The following COL21A1 variants were observed in gnomAD, a reference collection of about 807,000 sequenced individuals.
The protein encoded by COL21A1 is collagen alpha-1(XXI) chain.
A neutral mutation model predicts 137.9 loss-of-function variants in COL21A1; 149 were observed. That is an observed-to-expected ratio of 1.08 (90% CI 0.95 to 1.24). COL21A1 has a LOEUF of 1.24. COL21A1 is among the 50% of genes most tolerant of loss of function. The pLI is 0.00. For missense variants in COL21A1, 1,167 were observed against 1,158.4 expected (o/e 1.01, Z -0.11); for synonymous variants, 456 against 391.5 (o/e 1.16, Z -1.95).
intron 9 of COL21A1, among the ~76,000 whole-genome samples, chr6:56,158,683 G>A (rs969977613): frequency 1.3e-5 from 2 of 151,942 alleles, no homozygotes; most frequent in African/African-American, 2.4e-5. Flanking sequence ...TCAGACTCCT[G>A]GCTAGGGAAA....
chr6:56,273,483 C>T (rs374278728), intron 1 of COL21A1, among the ~76,000 whole-genome samples: 3 of 152,134 alleles, frequency 2.0e-5, no homozygotes, highest in Non-Finnish European at 4.4e-5. Flanking sequence ...CTGCTAGCTA[C>T]ATCAACAAAG....
rs868730924 is a variant in COL21A1, at chr6:56,057,323, A to T, written c.*334T>A. Reference sequence around the variant, plus strand: ...GAAATTAAACTCAAATCTCTACTGCATGGAGGCTGAATGTGAAATATTTCA... The same window carrying T: ...GAAATTAAACTCAAATCTCTACTGCTTGGAGGCTGAATGTGAAATATTTCA... On this transcript the variant is annotated 3_prime_UTR_variant, in exon 30 of 30. Transcript: ENST00000244728. 1 of 309,568 alleles carries T rather than the reference A, an allele frequency of 3.2e-6. No individual in the cohort carries two copies. Among genetic ancestry groups the T allele is most frequent in the African/African-American group, 2.3e-5 (1 of 43,234 alleles). 19.2% of individuals were successfully genotyped at this position (309,568 alleles called of 1,614,324 possible).
chr6:56,392,649 A>AT (rs1376100875), intron 1 of COL21A1, among the ~76,000 whole-genome samples: 1 of 152,186 alleles, frequency 6.6e-6, no homozygotes, highest in East Asian at 1.9e-4. Flanking sequence ...AATTCAGTAA[A>AT]TTTGCAGGAT....
chr6:56,169,867 A>T (rs553710552), intron 5 of COL21A1, among the ~76,000 whole-genome samples: 1 of 152,016 alleles, frequency 6.6e-6, no homozygotes, highest in South Asian at 2.1e-4. Context: ...GTCATTTCTT[A>T]CAGAATCTGG....
At chr6:56,180,674 G>A (rs192174077) in intron 2 of COL21A1, among the ~76,000 whole-genome samples, 2 of 152,250 alleles carry the variant, frequency 1.3e-5, no homozygotes, top group East Asian at 3.9e-4. Flanking sequence ...CAAGTTATAA[G>A]CAGTTGTGGA....
intron 22 of COL21A1, chr6:56,068,744 G>T: frequency 5.2e-6 from 1 of 191,596 alleles, no homozygotes. Context: ...AAAATTCTTA[G>T]CTCCCCTGGT....
chr6:56,373,101 T>A (rs529559148), intron 1 of COL21A1, among the ~76,000 whole-genome samples: 124 of 152,246 alleles, frequency 8.1e-4, no homozygotes, highest in African/African-American at 2.9e-3. Context: ...TAATGTGATG[T>A]CCAGCATCCC....
At chr6:56,356,827 T>G (rs1358971299) in intron 1 of COL21A1, among the ~76,000 whole-genome samples, 1 of 152,178 alleles carries the variant, frequency 6.6e-6, no homozygotes, top group African/African-American at 2.4e-5. Flanking sequence ...TCCACAATAC[T>G]GAAGCAATCA....
intron 1 of COL21A1, among the ~76,000 whole-genome samples, chr6:56,307,990 A>T (rs1422770920): frequency 6.6e-6 from 1 of 152,246 alleles, no homozygotes; most frequent in Admixed American, 6.5e-5. Flanking sequence ...ATACAATGAG[A>T]TGCTGTTAAT....
At chr6:56,150,393 T>C (rs914784699) in intron 10 of COL21A1, among the ~76,000 whole-genome samples, 27 of 151,958 alleles carry the variant, frequency 1.8e-4, no homozygotes, top group African/African-American at 4.3e-4. Context: ...TGGCGGGCGC[T>C]TGTAGTCCCA....
At chr6:56,113,751 G>A (rs1771651462) in intron 16 of COL21A1, among the ~76,000 whole-genome samples, 2 of 152,148 alleles carry the variant, frequency 1.3e-5, no homozygotes, top group Admixed American at 6.5e-5. Flanking sequence ...AGAGCACCAA[G>A]CAGAGTCTTG....
intron 17 of COL21A1, among the ~76,000 whole-genome samples, chr6:56,082,708 A>T (rs1767895655): frequency 6.6e-6 from 1 of 151,828 alleles, no homozygotes; most frequent in Non-Finnish European, 1.5e-5. Flanking sequence ...AAAATATTTT[A>T]AAGCACCATT....
chr6:56,276,799 T>C (rs1261129668), intron 1 of COL21A1: 2 of 827,204 alleles, frequency 2.4e-6, no homozygotes, highest in African/African-American at 2.2e-5. Flanking sequence ...GTGAGTTGTG[T>C]TTTTTTTGTT....
intron 1 of COL21A1, among the ~76,000 whole-genome samples, chr6:56,323,453 A>T (rs4461733): frequency 6.6e-6 from 1 of 152,196 alleles, no homozygotes; most frequent in Non-Finnish European, 1.5e-5. Flanking sequence ...GCAATGGCAC[A>T]ATCTCAGCTG....
chr6:56,340,232 G>GTT (rs1187946921), intron 1 of COL21A1, among the ~76,000 whole-genome samples: 4 of 152,074 alleles, frequency 2.6e-5, no homozygotes, highest in Non-Finnish European at 5.9e-5. Flanking sequence ...GCAATTCTGG[G>GTT]TTTCCTCCAT....
chr6:56,275,609 GA>G (rs1166321751), intron 1 of COL21A1, among the ~76,000 whole-genome samples: 1 of 151,976 alleles, frequency 6.6e-6, no homozygotes, highest in Non-Finnish European at 1.5e-5. Flanking sequence ...AGAACCATAT[GA>G]AAAAAAGATG....
At chr6:56,125,472 T>C (rs1478228092) in intron 14 of COL21A1, 95 bp downstream of exon 14, 1 of 810,630 alleles carries the variant, frequency 1.2e-6, no homozygotes, top group Non-Finnish European at 2.0e-6. Context: ...CAGAGCTAAC[T>C]GTTCTAATGC....
intron 1 of COL21A1, among the ~76,000 whole-genome samples, chr6:56,369,591 GA>G (rs1450437652): frequency 7.7e-6 from 1 of 130,512 alleles, no homozygotes; most frequent in African/African-American, 2.8e-5. Context: ...GATAAGAAAG[GA>G]AACAATTGTG....
At chr6:56,361,787 G>A (rs1165561101) in intron 1 of COL21A1, among the ~76,000 whole-genome samples, 1 of 152,086 alleles carries the variant, frequency 6.6e-6, no homozygotes, top group African/African-American at 2.4e-5. Context: ...TGGTGTGTGT[G>A]TGTGTGTTCT....
Sources: allele counts gnomAD v4.1 joint callset (sites outside exome capture counted in the v4.1 genomes callset), GRCh38; gene constraint gnomAD v4.1.1; transcripts MANE v1.5; gene names NCBI Gene and HGNC (gene_info 2026-07-23, HGNC 2026-07-21).